SORCS1: variants seen among roughly 807,000 people sequenced by gnomAD.
SORCS1 encodes the protein sortilin related VPS10 domain containing receptor 1.
In SORCS1, 60 loss-of-function variants were observed where a neutral mutation model predicts 146.1. That is an observed-to-expected ratio of 0.41 (90% CI 0.33 to 0.51). The LOEUF is 0.51. Ranked by LOEUF, SORCS1 falls within the 20% of genes least tolerant of loss-of-function variation. SORCS1 has a pLI of 0.21. For synonymous variants in SORCS1, 637 were observed against 584.0 expected (o/e 1.09, Z -1.31); for missense variants, 1,352 against 1,487.6 (o/e 0.91, Z 1.50).
chr10:106,614,397 G>C (rs970668292), intron 21 of SORCS1, among the ~76,000 whole-genome samples: 2 of 152,132 alleles, frequency 1.3e-5, no homozygotes, highest in Non-Finnish European at 2.9e-5. Context: ...ATGTTTCGAA[G>C]ACTCTGACTT....
chr10:106,640,977 G>A (rs1428225629), intron 18 of SORCS1, among the ~76,000 whole-genome samples: 2 of 152,152 alleles, frequency 1.3e-5, no homozygotes, highest in African/African-American at 4.8e-5. Context: ...TGCATTGTGT[G>A]TGCTTGTGTG....
At chr10:106,838,599 A>T (rs1948889423) in intron 2 of SORCS1, among the ~76,000 whole-genome samples, 1 of 152,124 alleles carries the variant, frequency 6.6e-6, no homozygotes. Flanking sequence ...GATTCTTCCT[A>T]TTCCCCTAAC....
intron 1 of SORCS1, among the ~76,000 whole-genome samples, chr10:107,015,197 G>C (rs1957848850): frequency 6.6e-6 from 1 of 152,298 alleles, no homozygotes; most frequent in Non-Finnish European, 1.5e-5. Context: ...AGCACCTACT[G>C]TATACATAGT....
intron 1 of SORCS1, among the ~76,000 whole-genome samples, chr10:107,143,779 T>C (rs990363639): frequency 6.6e-6 from 1 of 151,988 alleles, no homozygotes; most frequent in East Asian, 1.9e-4. Context: ...GCTGGGATTA[T>C]GGGTGTGAGC....
upstream of SORCS1, among the ~76,000 whole-genome samples, chr10:107,168,239 A>T (rs1234374995): frequency 6.6e-6 from 1 of 151,954 alleles, no homozygotes; most frequent in Non-Finnish European, 1.5e-5. Context: ...CATATGGCTG[A>T]CTCCTCTTTT....
chr10:106,708,226 C>T (rs1238592321), intron 7 of SORCS1, among the ~76,000 whole-genome samples: 1 of 151,116 alleles, frequency 6.6e-6, no homozygotes, highest in Non-Finnish European at 1.5e-5. Context: ...TTACTAATTT[C>T]CCTGAAGAAT....
intron 7 of SORCS1, among the ~76,000 whole-genome samples, chr10:106,707,546 G>T (rs547566031): frequency 1.6e-4 from 24 of 152,208 alleles, no homozygotes; most frequent in African/African-American, 5.8e-4. Context: ...ATTGCCCAGG[G>T]CTAGAGTGCA....
intron 1 of SORCS1, among the ~76,000 whole-genome samples, chr10:107,065,075 A>T (rs1961612502): frequency 6.6e-6 from 1 of 152,174 alleles, no homozygotes; most frequent in Non-Finnish European, 1.5e-5. Flanking sequence ...AAAAGTATAT[A>T]ATTGACTGAC....
intron 1 of SORCS1, among the ~76,000 whole-genome samples, chr10:107,158,927 C>G (rs879265049): frequency 6.9e-6 from 1 of 145,710 alleles, no homozygotes; most frequent in African/African-American, 2.5e-5. Flanking sequence ...TTCTGACAGT[C>G]AACATTCATG....
the SORCS1 span, among the ~76,000 whole-genome samples, chr10:107,177,703 A>G: frequency 6.6e-6 from 1 of 152,258 alleles, no homozygotes; most frequent in African/African-American, 2.4e-5. Flanking sequence ...CATTTAAAAT[A>G]TCCATCACCT....
chr10:106,792,341 T>C (rs1411623053), intron 3 of SORCS1, among the ~76,000 whole-genome samples: 4 of 152,264 alleles, frequency 2.6e-5, no homozygotes, highest in African/African-American at 9.6e-5. Context: ...TATCCTTTTA[T>C]AAATTCTAAG....
chr10:107,181,135 C>T, the SORCS1 span, among the ~76,000 whole-genome samples: 16 of 152,180 alleles, frequency 1.1e-4, no homozygotes, highest in East Asian at 2.9e-3. Context: ...AATGTGAAGT[C>T]CTAGGACATT....
At chr10:106,736,026 A>T (rs1856921217) in intron 5 of SORCS1, among the ~76,000 whole-genome samples, 1 of 152,216 alleles carries the variant, frequency 6.6e-6, no homozygotes, top group Non-Finnish European at 1.5e-5. Flanking sequence ...AAAGATCACT[A>T]AAGACAAGAA....
chr10:106,952,823 A>C (rs1216031358), intron 2 of SORCS1, among the ~76,000 whole-genome samples: 1 of 151,340 alleles, frequency 6.6e-6, no homozygotes, highest in Non-Finnish European at 1.5e-5. Context: ...CAAAATAATA[A>C]TAATAAAAAA....
chr10:107,090,377 A>G (rs1250104234), intron 1 of SORCS1, among the ~76,000 whole-genome samples: 1 of 152,120 alleles, frequency 6.6e-6, no homozygotes, highest in African/African-American at 2.4e-5. Flanking sequence ...TATGTGACTA[A>G]TCATTTTGAG....
rs201401467 is a variant in SORCS1 at position 106,656,697 on chromosome 10, CA to C, written c.2304-4145del. Reference sequence around the variant, plus strand: ...ATTTTGAGGTGGTGATGGCAAGATACAGATGTTTTTGAGTATTCAGTGTATA... The same window carrying C: ...ATTTTGAGGTGGTGATGGCAAGATACGATGTTTTTGAGTATTCAGTGTATA... On this transcript the variant is annotated intron_variant, in intron 17 of 25. Coordinates refer to ENST00000263054, the MANE Select transcript of SORCS1 (RefSeq NM_052918.5). Among the ~76,000 whole-genome samples, 195 of 151,068 alleles carry C rather than the reference CA, an allele frequency of 1.3e-3. 6 individuals carry two copies. In the East Asian group the frequency reaches 0.028, roughly 22 times the overall value.
chr10:106,739,341 C>A lies in SORCS1; in HGVS notation c.960-9227G>T, dbSNP rs185483949. On this transcript the variant is annotated intron_variant, in intron 5 of 25. Coordinates refer to ENST00000263054, the MANE Select transcript of SORCS1 (RefSeq NM_052918.5). ...TCTCACTAAAAATACAAAAATTATC[C>A]TGGCGTGGTGGCACATACCTGCAAT... Among the ~76,000 whole-genome samples the A allele has an allele frequency of 2.4e-3, 363 of 152,004 alleles. 4 individuals carry two copies. Among genetic ancestry groups the A allele is most frequent in the Admixed American group, 9.6e-3 (147 of 15,256 alleles).
chr10:106,725,109 C>T (rs181642107), intron 6 of SORCS1, among the ~76,000 whole-genome samples: 21 of 151,790 alleles, frequency 1.4e-4, no homozygotes, highest in African/African-American at 3.9e-4. Context: ...CACTGCACTC[C>T]GGGCTGGGCA....
chr10:106,773,758 G>T (rs886545836), intron 4 of SORCS1, among the ~76,000 whole-genome samples: 1 of 152,034 alleles, frequency 6.6e-6, no homozygotes, highest in Non-Finnish European at 1.5e-5. Flanking sequence ...GACCAGCCTG[G>T]CCAACAAGGC....
Sources: gnomAD v4.1 joint callset for allele counts (sites outside exome capture counted in the v4.1 genomes callset) on GRCh38, gnomAD v4.1.1 for gene constraint, MANE v1.5 for transcripts, NCBI Gene and HGNC (gene_info 2026-07-23, HGNC 2026-07-21) for gene names.